The following GRM7 variants were observed in gnomAD, a reference collection of about 807,000 sequenced individuals.
GRM7 encodes the protein metabotropic glutamate receptor 7.
Under a neutral mutation model 84.5 loss-of-function variants are expected in GRM7, and 35 were observed. The observed-to-expected ratio is 0.41, with a 90% CI of 0.32 to 0.55. The LOEUF (loss-of-function observed/expected upper bound fraction) is 0.55. Ranked by LOEUF, GRM7 falls within the 20% of genes least tolerant of loss-of-function variation. The pLI is 0.19. For missense variants in GRM7, 1,003 were observed against 1,194.6 expected (o/e 0.84, Z 2.36); for synonymous variants, 487 against 455.1 (o/e 1.07, Z -0.89).
chr3:7,656,649 C>T (rs893639940), intron 8 of GRM7, among the ~76,000 whole-genome samples: 3 of 151,826 alleles, frequency 2.0e-5, no homozygotes, highest in African/African-American at 7.3e-5. Flanking sequence ...GTTAAAGTCT[C>T]TCTGGGAACA....
At chr3:7,421,345 A>G (rs1696385616) in intron 5 of GRM7, among the ~76,000 whole-genome samples, 1 of 152,172 alleles carries the variant, frequency 6.6e-6, no homozygotes, top group Admixed American at 6.6e-5. Flanking sequence ...AGCCTTCTGT[A>G]TGGTTGTGTA....
chr3:7,031,989 G>T (rs1352168522), intron 1 of GRM7, among the ~76,000 whole-genome samples: 3 of 152,106 alleles, frequency 2.0e-5, no homozygotes, highest in African/African-American at 7.2e-5. Context: ...CATTGATCAG[G>T]CATTAAGGGA....
At position 7,003,875 on chromosome 3, in the gene GRM7, T is replaced by C. The variant is rs76852371; in HGVS notation, c.519+141968T>C. ...TAACTTGGGGTATCTCATGAGATTT[T>C]ACTCAAGATGCCAGCTAGAGATGAA... On this transcript the variant is annotated intron_variant, in intron 1 of 9. Transcript: ENST00000357716. 2.7e-3 allele frequency among the ~76,000 whole-genome samples: 410 copies of C among 152,284 alleles called. 11 individuals carry two copies. In the East Asian group the frequency reaches 0.07, roughly 26 times the overall value.
intron 7 of GRM7, among the ~76,000 whole-genome samples, chr3:7,512,922 A>C (rs1398432566): frequency 6.6e-6 from 1 of 152,144 alleles, no homozygotes; most frequent in African/African-American, 2.4e-5. Context: ...ATTCATCAAC[A>C]TGGAGAAGGC....
chr3:7,128,320 A>G (rs767092760), intron 1 of GRM7, among the ~76,000 whole-genome samples: 12 of 151,838 alleles, frequency 7.9e-5, no homozygotes, highest in Non-Finnish European at 1.6e-4. Context: ...ATGCATGAAT[A>G]TAAACATGAC....
At chr3:7,258,140 T>C (rs944402710) in intron 2 of GRM7, among the ~76,000 whole-genome samples, 5 of 152,200 alleles carry the variant, frequency 3.3e-5, no homozygotes, top group South Asian at 2.1e-4. Context: ...GATTTAACCA[T>C]CACACTATAG....
chr3:7,333,344 G>A (rs1400461260), intron 4 of GRM7, among the ~76,000 whole-genome samples: 4 of 152,156 alleles, frequency 2.6e-5, no homozygotes, highest in Admixed American at 2.6e-4. Flanking sequence ...CCAGCCCAGA[G>A]CCCGGTAGCC....
intron 3 of GRM7, among the ~76,000 whole-genome samples, chr3:7,304,484 A>G (rs149063322): frequency 2.0e-4 from 30 of 151,742 alleles, no homozygotes; most frequent in Admixed American, 5.2e-4. Context: ...TTAAACTTGA[A>G]AATTTGTATT....
intron 1 of GRM7, among the ~76,000 whole-genome samples, chr3:6,963,077 A>G (rs1451958397): frequency 6.6e-6 from 1 of 152,230 alleles, no homozygotes. Context: ...ATAAGATTAA[A>G]AAAGAGCCTT....
intron 1 of GRM7, among the ~76,000 whole-genome samples, chr3:7,064,375 G>A (rs1029988451): frequency 2.0e-5 from 3 of 149,300 alleles, no homozygotes; most frequent in Non-Finnish European, 4.5e-5. Flanking sequence ...TGGAATAATA[G>A]TCTCCAATCG....
chr3:7,728,151 G>A (rs1702195429), intron 9 of GRM7, among the ~76,000 whole-genome samples: 1 of 152,094 alleles, frequency 6.6e-6, no homozygotes, highest in Admixed American at 6.6e-5. Context: ...ACAAAGAAAA[G>A]AAAAAGTAGC....
chr3:6,866,419 T>C (rs951858674), intron 1 of GRM7, among the ~76,000 whole-genome samples: 3 of 152,172 alleles, frequency 2.0e-5, no homozygotes, highest in African/African-American at 4.8e-5. Flanking sequence ...CTTTGTCTTG[T>C]CAAAACTGTC....
chr3:7,511,502 A>G (rs1328773683), intron 7 of GRM7, among the ~76,000 whole-genome samples: 3 of 152,148 alleles, frequency 2.0e-5, no homozygotes, highest in Non-Finnish European at 4.4e-5. Context: ...TGGACCCCTC[A>G]TTACAGACTG....
At chr3:7,257,018 G>C (rs539664919) in intron 2 of GRM7, among the ~76,000 whole-genome samples, 1 of 152,196 alleles carries the variant, frequency 6.6e-6, no homozygotes, top group Non-Finnish European at 1.5e-5. Flanking sequence ...AGGCTCAGAA[G>C]TGAAAGTGGG....
At chr3:7,483,721 G>A (rs1281977203) in intron 7 of GRM7, among the ~76,000 whole-genome samples, 1 of 152,218 alleles carries the variant, frequency 6.6e-6, no homozygotes, top group South Asian at 2.1e-4. Flanking sequence ...AGCCAGTTAG[G>A]CCAGTTGGTT....
At chr3:7,034,174 C>T (rs1460947540) in intron 1 of GRM7, among the ~76,000 whole-genome samples, 1 of 152,044 alleles carries the variant, frequency 6.6e-6, no homozygotes, top group South Asian at 2.1e-4. Context: ...GATCTCATTC[C>T]ATCATTGATC....
chr3:7,317,323 C>T (rs1354333794), intron 4 of GRM7, among the ~76,000 whole-genome samples: 1 of 152,000 alleles, frequency 6.6e-6, no homozygotes, highest in Non-Finnish European at 1.5e-5. Context: ...TCATATAGAA[C>T]TTTTGAGTAT....
intron 2 of GRM7, among the ~76,000 whole-genome samples, chr3:7,253,691 C>T (rs770555194): frequency 1.6e-4 from 24 of 151,632 alleles, no homozygotes; most frequent in Admixed American, 8.6e-4. Flanking sequence ...TGTTTTCCCA[C>T]CTTATAGCTC....
chr3:7,236,216 G>C (rs1315481328), intron 2 of GRM7, among the ~76,000 whole-genome samples: 1 of 152,186 alleles, frequency 6.6e-6, no homozygotes, highest in Admixed American at 6.5e-5. Flanking sequence ...TGAGGGTTAA[G>C]TTTCAACATG....
Sources: gnomAD v4.1 joint callset for allele counts (sites outside exome capture counted in the v4.1 genomes callset) on GRCh38, gnomAD v4.1.1 for gene constraint, MANE v1.5 for transcripts, NCBI Gene and HGNC (gene_info 2026-07-23, HGNC 2026-07-21) for gene names.